The following MOV10L1 variants were observed in gnomAD, a reference collection of about 807,000 sequenced individuals.
MOV10L1 encodes the protein RNA helicase Mov10l1.
A neutral mutation model predicts 143.8 loss-of-function variants in MOV10L1; 110 were observed. That is an observed-to-expected ratio of 0.76 (90% CI 0.66 to 0.90). MOV10L1 has a LOEUF of 0.90. Among genes scored for constraint, MOV10L1 ranks in the 40% least tolerant of loss-of-function variants. MOV10L1 has a pLI of 0.00. For synonymous variants in MOV10L1, 593 were observed against 581.1 expected, an observed-to-expected ratio of 1.02 and a Z score of -0.29; for missense variants, 1,406 against 1,526.8, an observed-to-expected ratio of 0.92 and a Z score of 1.32.
At chr22:50,127,477 A>G (rs1369332553) in intron 12 of MOV10L1, among the ~76,000 whole-genome samples, 1 of 152,194 alleles carries the variant, frequency 6.6e-6, no homozygotes, top group Non-Finnish European at 1.5e-5. Context: ...CTCAGGGGAA[A>G]CAATCCCATG....
chr22:50,106,558 T>G (rs2061872607), intron 3 of MOV10L1, among the ~76,000 whole-genome samples: 2 of 152,096 alleles, frequency 1.3e-5, no homozygotes, highest in African/African-American at 4.8e-5. Context: ...TGCTTCACTT[T>G]TCATTTATGT....
chr22:50,093,615 T>G (rs1456471657), intron 2 of MOV10L1: 2 of 152,150 alleles, frequency 1.3e-5, no homozygotes, highest in African/African-American at 4.8e-5. Context: ...CTCAAGCGAT[T>G]CTTCCACCTC....
At position 50,125,564 on chromosome 22, in the gene MOV10L1, A is replaced by G; in HGVS notation, c.1742A>G (p.Tyr581Cys). The change falls in exon 11 of 27, where the codon TAC (tyrosine) becomes TGC (cysteine). Residue 581 changes from tyrosine to cysteine, a missense_variant. Physicochemically the swap from Tyr to Cys is radical, Grantham distance 194. Coordinates refer to ENST00000262794, the MANE Select transcript of MOV10L1 (RefSeq NM_018995.3). ...PGLAEGRPSLYAGDKLILKTQ... is the reference protein window; with the variant it reads ...PGLAEGRPSLCAGDKLILKTQ... ...TTGGCCGAAGGGAGGCCTTCTCTCT[A>G]CGCAGGTGTGTTTGTTACTCATATG... 2.5e-6 allele frequency: 4 copies of G among 1,613,992 alleles called. No individual in the cohort carries two copies. The highest frequency in any genetic ancestry group is 3.4e-6 in the Non-Finnish European group (4 of 1,179,924).
chr22:50,122,723 T>TTTTC lies in MOV10L1; in HGVS notation c.1569+2131_1569+2134dup, dbSNP rs149625408. On this transcript the variant is annotated intron_variant, in intron 10 of 26. Coordinates refer to ENST00000262794, the MANE Select transcript of MOV10L1 (RefSeq NM_018995.3). ...GACTTTCATCATTTTGAGGTGATGG[T>TTTTC]TTTCTTTCTTTCTTTCTTTCTTTCT... 3.6e-3 allele frequency among the ~76,000 whole-genome samples: 539 copies of TTTTC among 150,350 alleles called. 3 individuals are homozygous for TTTTC. The highest frequency in any genetic ancestry group is 5.6e-3 in the Non-Finnish European group (376 of 67,634).
chr22:50,148,429 A>G (rs538415190), intron 19 of MOV10L1, among the ~76,000 whole-genome samples: 157 of 152,248 alleles, frequency 1.0e-3, no homozygotes, highest in African/African-American at 3.7e-3. Context: ...CTTCCCATGC[A>G]AGAGTTCCGC....
intron 10 of MOV10L1, among the ~76,000 whole-genome samples, chr22:50,123,851 A>G (rs1171037740): frequency 6.6e-6 from 1 of 151,938 alleles, no homozygotes; most frequent in African/African-American, 2.4e-5. Flanking sequence ...GTCTATTCAG[A>G]TTTTCTTTCT....
intron 15 of MOV10L1, among the ~76,000 whole-genome samples, chr22:50,137,560 C>T (rs1437022110): frequency 6.6e-6 from 1 of 151,594 alleles, no homozygotes; most frequent in Non-Finnish European, 1.5e-5. Context: ...AAAAAATTAG[C>T]TGGGTGTGGT....
chr22:50,098,016 T>C (rs928586620), intron 2 of MOV10L1, among the ~76,000 whole-genome samples: 1 of 152,002 alleles, frequency 6.6e-6, no homozygotes, highest in Non-Finnish European at 1.5e-5. Context: ...TTTGTATTTT[T>C]AGTAGAGATG....
At chr22:50,101,008 T>C (rs1038562443) in intron 3 of MOV10L1, among the ~76,000 whole-genome samples, 1 of 152,168 alleles carries the variant, frequency 6.6e-6, no homozygotes, top group African/African-American at 2.4e-5. Flanking sequence ...GACCTGTGCA[T>C]ACATTGTGGT....
At chr22:50,117,384 C>T (rs1426477056) in intron 9 of MOV10L1, 33 bp downstream of exon 9, 1 of 1,602,360 alleles carries the variant, frequency 6.2e-7, no homozygotes, top group Non-Finnish European at 8.5e-7. Context: ...GGCTCTTGGT[C>T]TGGCAGTTTT....
In MOV10L1 at chr22:50,150,886, A is replaced by G; in HGVS notation, c.2879A>G (p.His960Arg). The change falls in exon 21 of 27, where the codon CAT (histidine) becomes CGT (arginine). Residue 960 changes from histidine (H) to arginine (R), a missense_variant. Physicochemically the swap from His to Arg is conservative, Grantham distance 29 (BLOSUM62 0). Coordinates refer to ENST00000262794, the MANE Select transcript of MOV10L1 (RefSeq NM_018995.3). Reference protein sequence around the residue: ...DENAFGACGAHNPLLVTKLVK... With the variant: ...DENAFGACGARNPLLVTKLVK... ...AATGCTTTCGGTGCTTGTGGCGCAC[A>G]TAATCCCCTGTTGGTGAGTCACAGA... The G allele has an allele frequency of 6.2e-7, 1 of 1,614,208 alleles. No homozygotes were observed. The highest frequency in any genetic ancestry group is 8.5e-7 in the Non-Finnish European group (1 of 1,180,042).
Position 50,144,139 on chromosome 22 carries a change from C to T in MOV10L1, c.2401C>T (p.Pro801Ser). The T allele has an allele frequency of 1.2e-6, 2 of 1,613,406 alleles. No homozygotes were observed. The highest frequency in any genetic ancestry group is 1.7e-6 in the Non-Finnish European group (2 of 1,179,348). ...GGACAGTCGGATTTTAGTCTGTGCG[C>T]CCTCCAACAGTGCTGCTGACCTCGT... The part of the protein sequence containing the change: ...LPDSRILVCA[P>S]SNSAADLVCL... The change falls in exon 18 of 27, where the codon CCC (proline) becomes TCC (serine). Residue 801 changes from proline to serine, a missense_variant. Transcript: ENST00000262794.
At chr22:50,144,313 CAGGG>C in intron 18 of MOV10L1, 70 bp downstream of exon 18, 1 of 1,500,758 alleles carries the variant, frequency 6.7e-7, no homozygotes, top group Non-Finnish European at 8.9e-7. Context: ...GCCAAGTGGA[CAGGG>C]GAGGGCAGGG....
At chr22:50,151,857 G>A (rs6010145) in intron 21 of MOV10L1, among the ~76,000 whole-genome samples, 34,905 of 152,214 alleles carry the variant, frequency 0.23, 4,381 homozygotes, top group Admixed American at 0.36. Context: ...AGACCCTGCC[G>A]CACGGGAGGT....
intron 6 of MOV10L1, among the ~76,000 whole-genome samples, chr22:50,114,079 C>T (rs554027753): frequency 6.2e-4 from 94 of 151,848 alleles, no homozygotes; most frequent in Middle Eastern, 6.8e-3. Context: ...CCACCACGCC[C>T]GGCTAATTTT....
chr22:50,143,089 C>T lies in MOV10L1; in HGVS notation c.2226C>T (p.Asn742=), dbSNP rs773640249. 2 of 1,614,066 alleles carry T rather than the reference C, an allele frequency of 1.2e-6. No homozygotes were observed. The highest frequency in any genetic ancestry group is 2.2e-5 in the East Asian group (1 of 44,904). Residue 742 remains asparagine, a synonymous_variant, in exon 17 of 27, where the codon AAC becomes AAT. Transcript: ENST00000262794. ...AAGCAAGAAAGATGGAGTTTTTCAA[C>T]CCAGTGCTAAATGAAAATCAGAAGT... ...TPKARKMEFF[N]PVLNENQKLA...
At chr22:50,138,986 G>A (rs1333891204) in intron 15 of MOV10L1, among the ~76,000 whole-genome samples, 2 of 151,162 alleles carry the variant, frequency 1.3e-5, no homozygotes, top group Non-Finnish European at 2.9e-5. Flanking sequence ...ACAGGCGTGA[G>A]CCACCATGCC....
In MOV10L1 at chr22:50,161,557, G is replaced by A. The variant is rs576061694; in HGVS notation, c.*108G>A. 8.7e-7 allele frequency: 1 copy of A among 1,148,686 alleles called. No individual in the cohort carries two copies. Among genetic ancestry groups the A allele is most frequent in the Admixed American group, 2.4e-5 (1 of 42,498 alleles). The allele number at this position is 1,148,686 out of a possible 1,614,324, so 71.2% of individuals were successfully genotyped here. ...TGCCCTTGTCTCGCAGCCAGGCAGG[G>A]TCGTGTGTGGGTGTGGGGCTGCCAG... is the stretch of plus-strand genomic sequence containing the variant. On this transcript the variant is annotated 3_prime_UTR_variant, in exon 27 of 27. Transcript: ENST00000262794.
rs11420958 is a variant in MOV10L1 at position 50,094,399 on chromosome 22, A to ATTT, written c.282+2230_282+2232dup. The ATTT allele has an allele frequency of 4.1e-4, 54 of 132,716 alleles. 1 individual carries two copies. The highest frequency in any genetic ancestry group is 7.3e-4 in the Non-Finnish European group (46 of 63,002). The allele number at this position is 132,716 out of a possible 1,614,324, so 8.2% of individuals were successfully genotyped here. A position where few individuals can be genotyped will look rare whatever the true frequency, so the allele number is the denominator to read the frequency against. Reference sequence around the variant, plus strand: ...TTCTTCCTGTATGGGAAAGCTTTCAATTTTTTTTTTTTTTTTTTGAGACGG... The same window carrying ATTT: ...TTCTTCCTGTATGGGAAAGCTTTCAATTTTTTTTTTTTTTTTTTTTTGAGACGG... On this transcript the variant is annotated intron_variant, in intron 2 of 26. Coordinates refer to ENST00000262794, the MANE Select transcript of MOV10L1 (RefSeq NM_018995.3).
Sources: gnomAD v4.1 joint callset for allele counts (sites outside exome capture counted in the v4.1 genomes callset) on GRCh38, gnomAD v4.1.1 for gene constraint, MANE v1.5 for transcripts, NCBI Gene and HGNC (gene_info 2026-07-23, HGNC 2026-07-21) for gene names.